The following GRIA1 variants were observed in gnomAD, a reference collection of about 807,000 sequenced individuals.
GRIA1 encodes the protein glutamate receptor 1.
In GRIA1, 31 loss-of-function variants were observed where a neutral mutation model predicts 99.2. That is an observed-to-expected ratio of 0.31 (90% CI 0.23 to 0.42). GRIA1 has a LOEUF of 0.42. Ranked by LOEUF, GRIA1 falls within the 10% of genes least tolerant of loss-of-function variation. GRIA1 has a pLI of 1.00. For missense variants in GRIA1, 782 were observed against 1,157.5 expected, an observed-to-expected ratio of 0.68 and a Z score of 4.71; for synonymous variants, 438 against 432.4, an observed-to-expected ratio of 1.01 and a Z score of -0.16.
intron 2 of GRIA1, among the ~76,000 whole-genome samples, chr5:153,510,585 C>T (rs1028376567): frequency 3.3e-5 from 5 of 152,120 alleles, no homozygotes; most frequent in African/African-American, 7.2e-5. Flanking sequence ...AGGGTTTCTC[C>T]GGAGCTCTGC....
At chr5:153,517,328 C>T (rs1039949897) in intron 2 of GRIA1, among the ~76,000 whole-genome samples, 11 of 152,184 alleles carry the variant, frequency 7.2e-5, no homozygotes, top group Admixed American at 1.3e-4. Context: ...TGGTCCCTCT[C>T]TTAATACCCC....
At chr5:153,612,254 A>G (rs1441266900) in intron 2 of GRIA1, among the ~76,000 whole-genome samples, 2 of 152,236 alleles carry the variant, frequency 1.3e-5, no homozygotes, top group East Asian at 1.9e-4. Context: ...GAGTGCCTAT[A>G]ATGAGAAAAG....
chr5:153,646,855 G>A (rs1444564997), intron 2 of GRIA1, 73 bp from the exon 3 acceptor site: 4 of 1,520,398 alleles, frequency 2.6e-6, no homozygotes, highest in African/African-American at 1.4e-5. Context: ...TGAACTAGTG[G>A]ATGGATTCAT....
At chr5:153,649,009 C>T (rs993853111) in intron 3 of GRIA1, among the ~76,000 whole-genome samples, 7 of 152,110 alleles carry the variant, frequency 4.6e-5, no homozygotes, top group African/African-American at 1.4e-4. Flanking sequence ...TCACAAGGTC[C>T]TTAAATGTGG....
At chr5:153,722,119 T>C (rs1247096997) in intron 11 of GRIA1, among the ~76,000 whole-genome samples, 1 of 152,202 alleles carries the variant, frequency 6.6e-6, no homozygotes, top group Non-Finnish European at 1.5e-5. Context: ...TATCCTCTTT[T>C]ATAAAGTACT....
intron 10 of GRIA1, among the ~76,000 whole-genome samples, chr5:153,699,798 G>C (rs1231478861): frequency 2.0e-5 from 3 of 152,030 alleles, no homozygotes; most frequent in Non-Finnish European, 4.4e-5. Flanking sequence ...ATGCACAATT[G>C]CTATAAAATC....
intron 11 of GRIA1, among the ~76,000 whole-genome samples, chr5:153,750,893 C>A (rs141433690): frequency 6.6e-6 from 1 of 152,100 alleles, no homozygotes; most frequent in Non-Finnish European, 1.5e-5. Flanking sequence ...GTCAGGAGAT[C>A]GAGACCATCC....
At chr5:153,512,007 A>G (rs1396194157) in intron 2 of GRIA1, among the ~76,000 whole-genome samples, 1 of 152,242 alleles carries the variant, frequency 6.6e-6, no homozygotes, top group African/African-American at 2.4e-5. Context: ...CAAACAAAGC[A>G]AATCTGCTGC....
intron 5 of GRIA1, among the ~76,000 whole-genome samples, chr5:153,663,576 T>C (rs973953708): frequency 2.6e-5 from 4 of 152,206 alleles, no homozygotes; most frequent in Non-Finnish European, 5.9e-5. Flanking sequence ...AATGAGTTAA[T>C]GTATGTAAAG....
chr5:153,577,111 T>TAAGTG (rs1159266677), intron 2 of GRIA1, among the ~76,000 whole-genome samples: 1 of 140,774 alleles, frequency 7.1e-6, no homozygotes, highest in Non-Finnish European at 1.5e-5. Flanking sequence ...GATGGATGGA[T>TAAGTG]AAGTGGGTAG....
chr5:153,649,713 C>T (rs1431559491), intron 3 of GRIA1, among the ~76,000 whole-genome samples: 9 of 152,150 alleles, frequency 5.9e-5, no homozygotes, highest in African/African-American at 2.2e-4. Flanking sequence ...CCACCCACCT[C>T]GACCTCCCAA....
chr5:153,502,799 G>A (rs1755133381), intron 2 of GRIA1, among the ~76,000 whole-genome samples: 1 of 152,122 alleles, frequency 6.6e-6, no homozygotes, highest in Non-Finnish European at 1.5e-5. Flanking sequence ...GAACCTCTAG[G>A]ATGAAAGTAA....
intron 2 of GRIA1, among the ~76,000 whole-genome samples, chr5:153,607,248 T>G: frequency 6.6e-6 from 1 of 151,658 alleles, no homozygotes; most frequent in East Asian, 1.9e-4. Flanking sequence ...TTGGTGGATT[T>G]TTTGCTTGGT....
chr5:153,522,306 AGTT>A (rs1171651424), intron 2 of GRIA1, among the ~76,000 whole-genome samples: 1 of 152,214 alleles, frequency 6.6e-6, no homozygotes, highest in East Asian at 1.9e-4. Context: ...TGGCATGTAA[AGTT>A]GTTATTATTG....
intron 2 of GRIA1, among the ~76,000 whole-genome samples, chr5:153,563,609 G>A (rs1581235693): frequency 6.6e-6 from 1 of 152,190 alleles, no homozygotes; most frequent in East Asian, 1.9e-4. Context: ...CCCACTGACA[G>A]TGTATGCTTT....
At chr5:153,508,483 T>C (rs1755751854) in intron 2 of GRIA1, among the ~76,000 whole-genome samples, 1 of 151,336 alleles carries the variant, frequency 6.6e-6, no homozygotes, top group African/African-American at 2.4e-5. Flanking sequence ...AGGCTTTAAA[T>C]GAGAGTGAGT....
intron 2 of GRIA1, among the ~76,000 whole-genome samples, chr5:153,607,042 G>GATATAC: frequency 7.8e-6 from 1 of 127,760 alleles, no homozygotes; most frequent in East Asian, 2.1e-4. Context: ...TATCACAAAA[G>GATATAC]ATATATATAT....
intron 2 of GRIA1, among the ~76,000 whole-genome samples, chr5:153,502,692 G>A (rs991212295): frequency 9.9e-5 from 15 of 152,200 alleles, no homozygotes; most frequent in Non-Finnish European, 1.2e-4. Flanking sequence ...GGAGGTCCAG[G>A]TTGAGGAGGC....
In GRIA1 at chr5:153,741,934, T is replaced by TAAA. The variant is rs34742536; in HGVS notation, c.1824-22486_1824-22484dup. 2.1e-3 allele frequency among the ~76,000 whole-genome samples: 303 copies of TAAA among 144,956 alleles called. 1 individual carries two copies. Among genetic ancestry groups the TAAA allele is most frequent in the South Asian group, 7.2e-3 (34 of 4,696 alleles). ...TAACGTATAAAACTAAAGCTTTTTTTAAAAAAAAAAAAAAAAGAAAAAGAG... is the reference window on the plus strand; with the variant it reads ...TAACGTATAAAACTAAAGCTTTTTTTAAAAAAAAAAAAAAAAAAAGAAAAAGAG... On this transcript the variant is annotated intron_variant, in intron 11 of 15. Transcript: ENST00000285900.
Sources: gnomAD v4.1 joint callset for allele counts (sites outside exome capture counted in the v4.1 genomes callset) on GRCh38, gnomAD v4.1.1 for gene constraint, MANE v1.5 for transcripts, NCBI Gene and HGNC (gene_info 2026-07-23, HGNC 2026-07-21) for gene names.